Variants in CHAT observed in about 807,000 individuals in gnomAD.
CHAT encodes choline O-acetyltransferase.
CHAT carries 61 observed loss-of-function variants against 76.9 expected under a neutral mutation model. That is an observed-to-expected ratio of 0.79 (90% CI 0.65 to 0.98). The LOEUF (loss-of-function observed/expected upper bound fraction) is 0.98, where lower values mean the gene tolerates loss of function less well. Among genes scored for constraint, CHAT ranks in the 50% least tolerant of loss-of-function variants. The pLI is 0.00. For synonymous variants in CHAT, 407 were observed against 397.4 expected, an observed-to-expected ratio of 1.02 and a Z score of -0.29; for missense variants, 946 against 986.9, an observed-to-expected ratio of 0.96 and a Z score of 0.56.
At position 49,620,544 on chromosome 10, in the gene CHAT, T is replaced by C. The variant is rs121912820; in HGVS notation, c.629T>C (p.Leu210Pro). 4.6e-5 allele frequency: 74 copies of C among 1,613,814 alleles called. No individual in the cohort carries two copies. The highest frequency in any genetic ancestry group is 1.7e-6 in the Non-Finnish European group (2 of 1,179,886). Residue 210 changes from leucine to proline, a missense_variant, in exon 4 of 15, where the codon CTG becomes CCG. By Grantham distance (98) the Leu-to-Pro change is moderately conservative. Transcript: ENST00000337653. The stretch of plus-strand genomic sequence containing the variant: ...ATGTATCTCAACAACCGCCTGGCCC[T>C]GCCTGTCAACTCCAGCCCTGCCGTG... ...NDMYLNNRLA[L>P]PVNSSPAVIF...
rs1424673844 is a variant in CHAT, at chr10:49,620,381, T to C, written c.580-114T>C. On this transcript the variant is annotated intron_variant, in intron 3 of 14. Coordinates refer to ENST00000337653, the MANE Select transcript of CHAT (RefSeq NM_020549.5). ...TGGCACATACCTGGGGCTTAGCATA[T>C]ATTTGTGGAATGAATGAATTAATGC... 43 of 806,048 alleles carry C rather than the reference T, an allele frequency of 5.3e-5. No individual in the cohort carries two copies. In the Admixed American group the frequency reaches 7.2e-4, roughly 13 times the overall value. The allele number at this position is 806,048 out of a possible 1,614,324, so 49.9% of individuals were successfully genotyped here. A position where few individuals can be genotyped will look rare whatever the true frequency, so the allele number is the denominator to read the frequency against.
chr10:49,639,052 G>A (rs1415364786), intron 7 of CHAT, among the ~76,000 whole-genome samples: 1 of 152,078 alleles, frequency 6.6e-6, no homozygotes, highest in Non-Finnish European at 1.5e-5. Flanking sequence ...TGGCCAAGTA[G>A]AGACAAACCC....
At chr10:49,612,516 C>T (rs1332249757), upstream of CHAT, 3 of 647,756 alleles carry the variant, frequency 4.6e-6, no homozygotes, top group Non-Finnish European at 7.9e-6. Context: ...CCCTTTCTCT[C>T]TTGTCCAATG....
Position 49,664,995 on chromosome 10 carries a change from A to T in CHAT, c.2196A>T (p.Pro732=). ...CSLLPPTESK[P]LATKEKATRP... Reference sequence around the variant, plus strand: ...TGCTGCCGCCTACTGAGAGCAAGCCATTGGCAACAAAGGAAAAAGCCACGA... The same window carrying T: ...TGCTGCCGCCTACTGAGAGCAAGCCTTTGGCAACAAAGGAAAAAGCCACGA... Residue 732 remains proline (P), a synonymous_variant, in exon 15 of 15, where the codon CCA becomes CCT. Transcript: ENST00000337653. 1 of 1,614,212 alleles carries T rather than the reference A, an allele frequency of 6.2e-7. No individual in the cohort carries two copies. Among genetic ancestry groups the T allele is most frequent in the Non-Finnish European group, 8.5e-7 (1 of 1,180,042 alleles).
chr10:49,654,844 C>T (rs1391062023), intron 11 of CHAT, among the ~76,000 whole-genome samples: 2 of 152,086 alleles, frequency 1.3e-5, no homozygotes, highest in Non-Finnish European at 2.9e-5. Flanking sequence ...AAGCGCTACC[C>T]GTCACTTCTT....
chr10:49,651,559 C>T (rs935581303), intron 10 of CHAT, among the ~76,000 whole-genome samples: 4 of 152,210 alleles, frequency 2.6e-5, no homozygotes, highest in Admixed American at 6.5e-5. Flanking sequence ...TACAAAATCC[C>T]GGGCATGTCA....
intron 2 of CHAT, among the ~76,000 whole-genome samples, chr10:49,617,221 GCA>G (rs1838530459): frequency 6.6e-6 from 1 of 150,914 alleles, no homozygotes; most frequent in African/African-American, 2.4e-5. Flanking sequence ...GAAACCCTGA[GCA>G]GAATTTTCTG....
intron 1 of CHAT, among the ~76,000 whole-genome samples, chr10:49,615,466 T>A (rs1204896856): frequency 6.6e-6 from 1 of 152,166 alleles, no homozygotes; most frequent in Non-Finnish European, 1.5e-5. Context: ...GGTTCATCCA[T>A]CTTTCTGGAC....
Position 49,662,700 on chromosome 10 carries a change from G to A in CHAT, c.1895G>A (p.Arg632Gln), listed in dbSNP as rs758448736. The A allele has an allele frequency of 2.5e-5, 40 of 1,614,046 alleles. No individual in the cohort carries two copies. Among genetic ancestry groups the A allele is most frequent in the Middle Eastern group, 1.6e-4 (1 of 6,082 alleles). Residue 632 changes from arginine (R) to glutamine (Q), a missense_variant, in exon 14 of 15, where the codon CGG becomes CAG. By Grantham distance (43) the Arg-to-Gln change is conservative. Coordinates refer to ENST00000337653, the MANE Select transcript of CHAT (RefSeq NM_020549.5). ...NHLLALRELA[R>Q]AMCKELPEMF... The stretch of plus-strand genomic sequence containing the variant: ...CTGCTGGCACTGCGGGAGCTGGCCC[G>A]GGCCATGTGCAAGGAGCTGCCCGAG...
rs753671058 is a variant in CHAT, at chr10:49,662,793, G to A, written c.1977+11G>A. ...CTCTCCACTAGCCAGGTACGGCCCC[G>A]TGCAGCTATCGCCCAAGAGTAGTGT... On this transcript the variant is annotated intron_variant, in intron 14 of 14. Transcript: ENST00000337653. 14 of 1,614,190 alleles carry A rather than the reference G, an allele frequency of 8.7e-6. No homozygotes were observed. The highest frequency in any genetic ancestry group is 1.6e-4 in the Middle Eastern group (1 of 6,062).
At chr10:49,647,942 A>C (rs1449690051) in intron 8 of CHAT, 2 of 175,108 alleles carry the variant, frequency 1.1e-5, no homozygotes, top group African/African-American at 4.8e-5. Context: ...GAACCAGAGA[A>C]GCCAGCAGGG....
intron 7 of CHAT, among the ~76,000 whole-genome samples, chr10:49,631,663 C>G (rs1839125716): frequency 6.6e-6 from 1 of 152,092 alleles, no homozygotes. Flanking sequence ...AACTAGAAAG[C>G]CAGGAATGTG....
intron 11 of CHAT, among the ~76,000 whole-genome samples, chr10:49,654,637 A>C (rs1209682696): frequency 6.6e-6 from 1 of 152,246 alleles, no homozygotes; most frequent in Non-Finnish European, 1.5e-5. Context: ...GGGCCTGGAC[A>C]GCCGTTTACG....
Position 49,640,822 on chromosome 10 carries a change from G to A in CHAT, c.1112-5683G>A, listed in dbSNP as rs142135967. Reference sequence around the variant, plus strand: ...TATTCTGATCCTTTGACTAGAGAGAGCAGGCTTTTGTTGATTATTTTGTTT... The same window carrying A: ...TATTCTGATCCTTTGACTAGAGAGAACAGGCTTTTGTTGATTATTTTGTTT... On this transcript the variant is annotated intron_variant, in intron 7 of 14. Transcript: ENST00000337653. Among the ~76,000 whole-genome samples, 349 of 152,328 alleles carry A rather than the reference G, an allele frequency of 2.3e-3. 1 individual carries two copies. The highest frequency in any genetic ancestry group is 6.2e-3 in the African/African-American group (257 of 41,546).
In CHAT at chr10:49,651,261, C is replaced by T. The variant is rs1363648913; in HGVS notation, c.1512-623C>T. The stretch of plus-strand genomic sequence containing the variant: ...GTCCCCCTGTGTTCCTAGCACCTGG[C>T]CCCACCGAGAGCTGAGCTGCTGTGA... On this transcript the variant is annotated intron_variant, in intron 10 of 14. Coordinates refer to ENST00000337653, the MANE Select transcript of CHAT (RefSeq NM_020549.5). 2.1e-5 allele frequency among the ~76,000 whole-genome samples: 3 copies of T among 143,022 alleles called. No homozygotes were observed. The East Asian group carries it at 6.2e-4, about 30-fold the overall frequency. The allele number at this position is 143,022 out of a possible 152,430, so 93.8% of individuals were successfully genotyped here. A position where few individuals can be genotyped will look rare whatever the true frequency, so the allele number is the denominator to read the frequency against.
intron 7 of CHAT, among the ~76,000 whole-genome samples, chr10:49,638,195 T>C (rs1018764796): frequency 1.3e-5 from 2 of 152,264 alleles, no homozygotes; most frequent in African/African-American, 4.8e-5. Flanking sequence ...TGCCCTTCTA[T>C]GTCTCTGGTA....
chr10:49,610,345 G>C (rs1180000944), upstream of CHAT: 4 of 193,716 alleles, frequency 2.1e-5, no homozygotes, highest in Non-Finnish European at 4.2e-5. Flanking sequence ...CGCAGCGGCG[G>C]GGCTAACGGG....
chr10:49,611,069 C>T, upstream of CHAT: 2 of 1,614,068 alleles, frequency 1.2e-6, no homozygotes, highest in Non-Finnish European at 1.7e-6. Context: ...GCGGGCTCAG[C>T]CCTTCGGCCC....
At chr10:49,646,177 T>C (rs781395577) in intron 7 of CHAT, among the ~76,000 whole-genome samples, 2 of 152,162 alleles carry the variant, frequency 1.3e-5, no homozygotes, top group African/African-American at 2.4e-5. Flanking sequence ...TGGGCTGACA[T>C]GAGGGTCTAA....
Sources: gnomAD v4.1 joint callset for allele counts (sites outside exome capture counted in the v4.1 genomes callset) on GRCh38, gnomAD v4.1.1 for gene constraint, MANE v1.5 for transcripts, NCBI Gene and HGNC (gene_info 2026-07-23, HGNC 2026-07-21) for gene names.